The following TBX19 variants were observed in gnomAD, a reference collection of about 807,000 sequenced individuals.
The protein encoded by TBX19 is T-box transcription factor 19, also known as T-box transcription factor TBX19.
A neutral mutation model predicts 40.9 loss-of-function variants in TBX19; 33 were observed. The observed-to-expected ratio is 0.81, with a 90% CI of 0.61 to 1.08. The LOEUF (loss-of-function observed/expected upper bound fraction) is 1.08, where lower values mean the gene tolerates loss of function less well. Ranked by LOEUF, TBX19 falls within the 50% of genes least tolerant of loss-of-function variation. TBX19 has a pLI of 0.00. For synonymous variants in TBX19, 220 were observed against 225.0 expected (o/e 0.98, Z 0.20); for missense variants, 494 against 574.0 (o/e 0.86, Z 1.42).
intron 2 of TBX19, among the ~76,000 whole-genome samples, chr1:168,292,920 A>C (rs1648982384): frequency 6.8e-6 from 1 of 146,754 alleles, no homozygotes; most frequent in African/African-American, 2.5e-5. Flanking sequence ...CCCACCCCTC[A>C]CCCTTGTAAA....
chr1:168,293,625 A>G (rs1233671212), intron 3 of TBX19, among the ~76,000 whole-genome samples: 4 of 152,116 alleles, frequency 2.6e-5, no homozygotes, highest in Admixed American at 6.5e-5. Flanking sequence ...AGTGGGTACA[A>G]TTGGGCAGGA....
intron 1 of TBX19, among the ~76,000 whole-genome samples, chr1:168,289,418 C>T (rs1572474186): frequency 6.6e-6 from 1 of 152,146 alleles, no homozygotes; most frequent in South Asian, 2.1e-4. Flanking sequence ...CACAGGCAGC[C>T]GCCCTAGAGG....
chr1:168,307,329 A>G (rs1649425448), intron 6 of TBX19, among the ~76,000 whole-genome samples: 2 of 152,190 alleles, frequency 1.3e-5, no homozygotes, highest in Non-Finnish European at 2.9e-5. Flanking sequence ...AGGTGCCAGC[A>G]TATGGTAAGG....
chr1:168,301,958 G>C (rs191120876), intron 5 of TBX19, among the ~76,000 whole-genome samples: 48 of 152,260 alleles, frequency 3.2e-4, no homozygotes, highest in Non-Finnish European at 6.0e-4. Flanking sequence ...GATAAATTTT[G>C]CATGCCTCAC....
intron 1 of TBX19, among the ~76,000 whole-genome samples, chr1:168,286,197 A>C (rs73033979): frequency 0.081 from 12,387 of 152,300 alleles, 912 homozygotes; most frequent in African/African-American, 0.2. Flanking sequence ...TCCTCCTTCT[A>C]AGAGACAAGA....
chr1:168,287,381 A>C (rs1031587453), intron 1 of TBX19, among the ~76,000 whole-genome samples: 3 of 152,206 alleles, frequency 2.0e-5, no homozygotes, highest in Non-Finnish European at 2.9e-5. Context: ...CTGTTCAGAT[A>C]TGGCTAAAGT....
intron 1 of TBX19, among the ~76,000 whole-genome samples, chr1:168,282,362 C>G (rs560778396): frequency 6.6e-6 from 1 of 152,256 alleles, no homozygotes; most frequent in South Asian, 2.1e-4. Flanking sequence ...TATTTCTTGT[C>G]AATCTTGAAG....
intron 3 of TBX19, among the ~76,000 whole-genome samples, chr1:168,296,874 A>AT (rs1649122865): frequency 6.9e-6 from 1 of 145,538 alleles, no homozygotes; most frequent in Non-Finnish European, 1.5e-5. Context: ...GTCTCAAAAA[A>AT]AATATATATA....
Position 168,292,303 on chromosome 1 carries a change from G to A in TBX19, c.469-841G>A, listed in dbSNP as rs531096407. 4.6e-5 allele frequency among the ~76,000 whole-genome samples: 7 copies of A among 152,240 alleles called. No individual in the cohort carries two copies. In the East Asian group the frequency reaches 9.7e-4, roughly 21 times the overall value. ...AAAACGGGAAATTGAACAGTAAATTGTTACTGCCTACCAGATTTCACAGCA... is the reference window on the plus strand; with the variant it reads ...AAAACGGGAAATTGAACAGTAAATTATTACTGCCTACCAGATTTCACAGCA... On this transcript the variant is annotated intron_variant, in intron 2 of 7. Coordinates refer to ENST00000367821, the MANE Select transcript of TBX19 (RefSeq NM_005149.3).
intron 6 of TBX19, among the ~76,000 whole-genome samples, chr1:168,306,137 G>A (rs1014209067): frequency 2.0e-5 from 3 of 152,188 alleles, no homozygotes; most frequent in Admixed American, 2.0e-4. Flanking sequence ...CTGTCCCTGT[G>A]TCCCTTAGCC....
chr1:168,312,752 C>A lies in TBX19; in HGVS notation c.1097C>A (p.Pro366His), dbSNP rs752421911. The change falls in exon 8 of 8, where the codon CCC becomes CAC. Residue 366 changes from proline to histidine, a missense_variant. By Grantham distance (77) the Pro-to-His change is moderately conservative. Transcript: ENST00000367821. ...LWTISNGAGG[P>H]SGPGPEVHAS... ...ACCATCAGCAATGGTGCCGGAGGCC[C>A]CAGTGGGCCAGGCCCGGAGGTGCAC... The A allele has an allele frequency of 6.2e-7, 1 of 1,614,154 alleles. No individual in the cohort carries two copies.
Position 168,313,132 on chromosome 1 carries a change from T to C in TBX19, c.*130T>C. ...ACTAGCTGGAGGTGGAGGTGGGTTA[T>C]TACAGAAGTCATACTGGGAGAGGGT... On this transcript the variant is annotated 3_prime_UTR_variant, in exon 8 of 8. Transcript: ENST00000367821. 1 of 1,146,012 alleles carries C rather than the reference T, an allele frequency of 8.7e-7. No homozygotes were observed. Among genetic ancestry groups the C allele is most frequent in the Non-Finnish European group, 1.3e-6 (1 of 783,840 alleles). The allele number at this position is 1,146,012 out of a possible 1,614,324, so 71.0% of individuals were successfully genotyped here.
At chr1:168,309,434 T>G (rs1048067605) in intron 7 of TBX19, among the ~76,000 whole-genome samples, 8 of 152,318 alleles carry the variant, frequency 5.3e-5, no homozygotes, top group Admixed American at 4.6e-4. Context: ...ATCATTTGTC[T>G]TAAACCAGTC....
At chr1:168,307,707 A>T (rs1281526385) in intron 6 of TBX19, among the ~76,000 whole-genome samples, 1 of 151,768 alleles carries the variant, frequency 6.6e-6, no homozygotes, top group Non-Finnish European at 1.5e-5. Flanking sequence ...GCAAATAGAG[A>T]TTCAAAGAAA....
chr1:168,306,493 G>A (rs969832064), intron 6 of TBX19, among the ~76,000 whole-genome samples: 8 of 152,156 alleles, frequency 5.3e-5, no homozygotes, highest in Non-Finnish European at 7.4e-5. Flanking sequence ...AGGCGTGGTC[G>A]TTGGCGCCTG....
At chr1:168,306,733 GA>G in intron 6 of TBX19, among the ~76,000 whole-genome samples, 1 of 152,012 alleles carries the variant, frequency 6.6e-6, no homozygotes, top group Non-Finnish European at 1.5e-5. Flanking sequence ...CATCACCTGG[GA>G]ACTTGTTAGA....
chr1:168,281,319 G>A lies in TBX19; in HGVS notation c.203+26G>A, dbSNP rs762832001. On this transcript the variant is annotated intron_variant, in intron 1 of 7. Transcript: ENST00000367821. ...GTGAGTTTATCTGCCGCCCCGCGTG[G>A]GCTGGCAGGGCTTGGCAGGAGAGAT... The A allele has an allele frequency of 1.9e-6, 3 of 1,610,372 alleles. No individual in the cohort carries two copies. The African/African-American group carries it at 4.0e-5, about 22-fold the overall frequency.
At chr1:168,293,911 AT>A (rs1329839806) in intron 3 of TBX19, among the ~76,000 whole-genome samples, 34 of 152,166 alleles carry the variant, frequency 2.2e-4, no homozygotes, top group Admixed American at 2.2e-3. Context: ...CTTTAAAAAA[AT>A]TTTTTAAAGA....
chr1:168,281,338 G>A (rs1648644448), intron 1 of TBX19, 45 bp downstream of exon 1: 1 of 1,569,608 alleles, frequency 6.4e-7, no homozygotes, highest in South Asian at 1.1e-5. Flanking sequence ...GGCTTGGCAG[G>A]AGAGATGAGA....
Sources: gnomAD v4.1 joint callset for allele counts (sites outside exome capture counted in the v4.1 genomes callset) on GRCh38, gnomAD v4.1.1 for gene constraint, MANE v1.5 for transcripts, NCBI Gene and HGNC (gene_info 2026-07-23, HGNC 2026-07-21) for gene names.